Variants in CFAP299 observed in about 807,000 individuals in gnomAD.
CFAP299 encodes cilia and flagella associated protein 299, also known as cilia- and flagella-associated protein 299.
A neutral mutation model predicts 27.0 loss-of-function variants in CFAP299; 21 were observed. The observed-to-expected ratio is 0.78, with a 90% CI of 0.55 to 1.12. The LOEUF (loss-of-function observed/expected upper bound fraction) is 1.12. CFAP299 is among the 50% of genes most tolerant of loss of function. The pLI is 0.00. For missense variants in CFAP299, 310 were observed against 276.6 expected, an observed-to-expected ratio of 1.12 and a Z score of -0.86; for synonymous variants, 104 against 98.1, an observed-to-expected ratio of 1.06 and a Z score of -0.36.
At chr4:80,808,118 A>G (rs1728959264) in intron 3 of CFAP299, among the ~76,000 whole-genome samples, 1 of 152,106 alleles carries the variant, frequency 6.6e-6, no homozygotes, top group African/African-American at 2.4e-5. Context: ...GTATTTGTAA[A>G]TATTCAAAAG....
chr4:80,696,390 T>C (rs776155451), intron 3 of CFAP299, among the ~76,000 whole-genome samples: 1 of 151,534 alleles, frequency 6.6e-6, no homozygotes, highest in Non-Finnish European at 1.5e-5. Flanking sequence ...GACAGGAAAA[T>C]AAGTTATGTT....
chr4:80,944,892 C>A lies in CFAP299; in HGVS notation c.559C>A (p.Leu187Ile). The A allele has an allele frequency of 6.2e-7, 1 of 1,612,918 alleles. No individual in the cohort carries two copies. Among genetic ancestry groups the A allele is most frequent in the Non-Finnish European group, 8.5e-7 (1 of 1,179,186 alleles). ...QVIADNPEGL[L>I]FRYKRDRKIL... ...GATTGCCGATAATCCAGAAGGCTTACTTTTCAGATACAAAAGAGACAGAAA... is the reference window on the plus strand; with the variant it reads ...GATTGCCGATAATCCAGAAGGCTTAATTTTCAGATACAAAAGAGACAGAAA... Residue 187 changes from leucine (L) to isoleucine (I), a missense_variant, in exon 5 of 6, where the codon CTT becomes ATT. Transcript: ENST00000358105.
chr4:80,585,219 GAGAT>G (rs373112741), intron 3 of CFAP299, among the ~76,000 whole-genome samples: 182 of 152,224 alleles, frequency 1.2e-3, no homozygotes, highest in African/African-American at 3.9e-3. Flanking sequence ...GTAGTCTTTG[GAGAT>G]AGATAGATGG....
At chr4:80,465,547 T>G (rs573538731) in intron 2 of CFAP299, among the ~76,000 whole-genome samples, 6 of 152,286 alleles carry the variant, frequency 3.9e-5, no homozygotes, top group Admixed American at 2.0e-4. Context: ...GTGCTACAAC[T>G]TCCTATATTC....
intron 3 of CFAP299, among the ~76,000 whole-genome samples, chr4:80,697,726 C>T (rs1198955146): frequency 1.3e-5 from 2 of 152,118 alleles, no homozygotes; most frequent in African/African-American, 2.4e-5. Context: ...CATAATCTAA[C>T]AGTCAAGGGT....
chr4:80,688,549 A>G (rs1402910462), intron 3 of CFAP299, among the ~76,000 whole-genome samples: 2 of 152,200 alleles, frequency 1.3e-5, no homozygotes, highest in East Asian at 1.9e-4. Flanking sequence ...TCTGTACATC[A>G]CCATCATCAA....
At chr4:80,386,433 G>A in intron 2 of CFAP299, 7 of 1,544,808 alleles carry the variant, frequency 4.5e-6, no homozygotes, top group African/African-American at 1.4e-5. Flanking sequence ...CAGCCCCAGC[G>A]GGTCAGGCAA....
chr4:80,392,963 G>T (rs1286864039), intron 2 of CFAP299, among the ~76,000 whole-genome samples: 1 of 152,106 alleles, frequency 6.6e-6, no homozygotes. Flanking sequence ...CCAGAAGAAG[G>T]TATTGTTATC....
chr4:80,900,527 T>C (rs563460689), intron 4 of CFAP299, among the ~76,000 whole-genome samples: 2 of 152,240 alleles, frequency 1.3e-5, no homozygotes, highest in Admixed American at 6.5e-5. Context: ...ATACGTATCA[T>C]CTAAATAAAT....
intron 3 of CFAP299, among the ~76,000 whole-genome samples, chr4:80,831,055 C>T (rs181987993): frequency 6.6e-6 from 1 of 152,176 alleles, no homozygotes; most frequent in Non-Finnish European, 1.5e-5. Context: ...AAAGACTGTT[C>T]ACTCCCAAGC....
At chr4:80,383,640 T>C (rs2110022312) in intron 2 of CFAP299, among the ~76,000 whole-genome samples, 1 of 152,292 alleles carries the variant, frequency 6.6e-6, no homozygotes, top group Non-Finnish European at 1.5e-5. Flanking sequence ...CTTGACATTA[T>C]CACAATAGTC....
At chr4:80,376,714 G>A (rs1365686214) in intron 2 of CFAP299, among the ~76,000 whole-genome samples, 2 of 152,124 alleles carry the variant, frequency 1.3e-5, no homozygotes, top group Non-Finnish European at 2.9e-5. Flanking sequence ...CAATGCAATG[G>A]CATGATTTTG....
chr4:80,371,116 G>T (rs932636208), intron 2 of CFAP299, among the ~76,000 whole-genome samples: 2 of 152,172 alleles, frequency 1.3e-5, no homozygotes, highest in African/African-American at 4.8e-5. Flanking sequence ...AGCCATCAAG[G>T]CTATGGCTTG....
At chr4:80,693,014 T>A (rs1419930884) in intron 3 of CFAP299, among the ~76,000 whole-genome samples, 3 of 152,192 alleles carry the variant, frequency 2.0e-5, no homozygotes, top group Non-Finnish European at 1.5e-5. Context: ...CTCACACGAG[T>A]TAGAATGGCA....
intron 2 of CFAP299, among the ~76,000 whole-genome samples, chr4:80,413,750 CT>C (rs66780627): frequency 1.9e-4 from 21 of 108,320 alleles, no homozygotes; most frequent in African/African-American, 5.9e-4. Flanking sequence ...TTGTGTCATT[CT>C]TTTTTTTTTT....
chr4:80,862,890 G>A (rs1361833276), intron 3 of CFAP299, among the ~76,000 whole-genome samples: 2 of 152,098 alleles, frequency 1.3e-5, no homozygotes, highest in Non-Finnish European at 2.9e-5. Context: ...ATAACTTGTT[G>A]CACAGAGATT....
intron 3 of CFAP299, among the ~76,000 whole-genome samples, chr4:80,811,834 C>A (rs919245823): frequency 1.3e-5 from 2 of 151,776 alleles, no homozygotes; most frequent in Non-Finnish European, 2.9e-5. Context: ...GATAGAAAAG[C>A]ACAATGAAAC....
intron 3 of CFAP299, among the ~76,000 whole-genome samples, chr4:80,714,023 A>G (rs993814516): frequency 6.6e-6 from 1 of 152,098 alleles, no homozygotes; most frequent in African/African-American, 2.4e-5. Context: ...GAATATATAT[A>G]TATATGTATA....
At chr4:80,578,370 G>A (rs1248229850) in intron 2 of CFAP299, among the ~76,000 whole-genome samples, 1 of 152,010 alleles carries the variant, frequency 6.6e-6, no homozygotes, top group Non-Finnish European at 1.5e-5. Flanking sequence ...GAAGTTTCAG[G>A]TTCTCAGCTG....
Sources: allele counts gnomAD v4.1 joint callset (sites outside exome capture counted in the v4.1 genomes callset), GRCh38; gene constraint gnomAD v4.1.1; transcripts MANE v1.5; gene names NCBI Gene and HGNC (gene_info 2026-07-23, HGNC 2026-07-21).